CALD1: variants seen among roughly 807,000 people sequenced by gnomAD.
CALD1 encodes the protein caldesmon 1.
Under a neutral mutation model 99.9 loss-of-function variants are expected in CALD1, and 33 were observed. The observed-to-expected ratio is 0.33, with a 90% CI of 0.25 to 0.44. CALD1 has a LOEUF of 0.44. Among genes scored for constraint, CALD1 ranks in the 20% least tolerant of loss-of-function variants. The probability of loss-of-function intolerance (pLI) is 1.00; values close to 1 mark genes in which losing one functional copy is unlikely to be tolerated. For missense variants in CALD1, 861 were observed against 962.1 expected (o/e 0.89, Z 1.39); for synonymous variants, 310 against 325.0 (o/e 0.95, Z 0.50).
In CALD1 at chr7:134,935,712, C is replaced by G. The variant is rs747023009; in HGVS notation, c.1333C>G (p.Gln445Glu). The G allele has an allele frequency of 1.2e-6, 2 of 1,604,462 alleles. No homozygotes were observed. Among genetic ancestry groups the G allele is most frequent in the Non-Finnish European group, 1.7e-6 (2 of 1,176,032 alleles). Residue 445 changes from glutamine (Q) to glutamate (E), a missense_variant, in exon 6 of 15, where the codon CAA becomes GAA. Physicochemically the swap from Gln to Glu is conservative, Grantham distance 29. This residue lies in a region of CALD1 where 293 missense variants were observed against 262.7 expected (regional missense o/e 1.12). Coordinates refer to ENST00000361675, the MANE Select transcript of CALD1 (RefSeq NM_033138.4). ...GGGAGAAGAGAAGGGAACTAAAGTG[C>G]AAGCTAAAAGAGAAAAGCTCCAAGA... ...KQGEEKGTKV[Q>E]AKREKLQEDK...
At chr7:134,785,982 C>T (rs904635759) in intron 1 of CALD1, among the ~76,000 whole-genome samples, 2 of 152,118 alleles carry the variant, frequency 1.3e-5, no homozygotes, top group African/African-American at 4.8e-5. Context: ...CCAGCTCCAA[C>T]CAATTGGCAT....
Position 134,969,897 on chromosome 7 carries a change from C to CT in CALD1, c.*1554dup, listed in dbSNP as rs1808929277. 6.6e-6 allele frequency: 1 copy of CT among 152,608 alleles called. No individual in the cohort carries two copies. Among genetic ancestry groups the CT allele is most frequent in the South Asian group, 2.1e-4 (1 of 4,826 alleles). The allele number at this position is 152,608 out of a possible 1,614,324, so 9.5% of individuals were successfully genotyped here. A position where few individuals can be genotyped will look rare whatever the true frequency, so the allele number is the denominator to read the frequency against. On this transcript the variant is annotated 3_prime_UTR_variant, in exon 15 of 15. Transcript: ENST00000361675. Reference sequence around the variant, plus strand: ...TTCTATAAACTCATACCTCAGTGGACTTAACCAAAATTGTGTTAGTCTCAA... The same window carrying CT: ...TTCTATAAACTCATACCTCAGTGGACTTTAACCAAAATTGTGTTAGTCTCAA...
chr7:134,836,853 G>GA (rs1799462684), intron 1 of CALD1, among the ~76,000 whole-genome samples: 1 of 152,148 alleles, frequency 6.6e-6, no homozygotes, highest in Non-Finnish European at 1.5e-5. Flanking sequence ...TCTTGCCTGT[G>GA]AAAATCCACC....
chr7:134,950,502 T>G lies in CALD1; in HGVS notation c.1923T>G (p.Gly641=). 1.2e-6 allele frequency: 2 copies of G among 1,613,602 alleles called. No homozygotes were observed. Among genetic ancestry groups the G allele is most frequent in the Non-Finnish European group, 1.7e-6 (2 of 1,179,708 alleles). The part of the protein sequence containing the change: ...KKPFKCFTPK[G]SSLKIEERAE... ...CATTCAAGTGTTTCACTCCTAAAGG[T>G]TCATCTCTCAAGGTATTTTTTTCCC... The change falls in exon 9 of 15, where the codon GGT becomes GGG. Residue 641 remains glycine, a synonymous_variant. Coordinates refer to ENST00000361675, the MANE Select transcript of CALD1 (RefSeq NM_033138.4).
At chr7:134,782,898 A>C (rs1797163000) in intron 1 of CALD1, among the ~76,000 whole-genome samples, 1 of 152,174 alleles carries the variant, frequency 6.6e-6, no homozygotes, top group Non-Finnish European at 1.5e-5. Flanking sequence ...ATACTGGTCT[A>C]TCCCAATGTT....
chr7:134,891,560 C>A, intron 3 of CALD1: 1 of 1,566,522 alleles, frequency 6.4e-7, no homozygotes, highest in Non-Finnish European at 8.7e-7. Flanking sequence ...CACGCCCTGA[C>A]CGCCCGGCCT....
intron 1 of CALD1, among the ~76,000 whole-genome samples, chr7:134,837,688 C>CATGCT (rs1414027061): frequency 6.6e-6 from 1 of 152,148 alleles, no homozygotes; most frequent in Non-Finnish European, 1.5e-5. Flanking sequence ...TGCCAGAGAA[C>CATGCT]ATGCTAAATG....
At chr7:134,788,813 G>C (rs545155927) in intron 1 of CALD1, among the ~76,000 whole-genome samples, 1 of 152,230 alleles carries the variant, frequency 6.6e-6, no homozygotes, top group South Asian at 2.1e-4. Flanking sequence ...GCAGGAGTTT[G>C]AGACTAGCCT....
intron 14 of CALD1, among the ~76,000 whole-genome samples, chr7:134,966,656 C>T (rs766959386): frequency 1.3e-5 from 2 of 151,932 alleles, no homozygotes; most frequent in East Asian, 1.9e-4. Context: ...GCACCTGATC[C>T]GAGCCTGCAT....
intron 1 of CALD1, among the ~76,000 whole-genome samples, chr7:134,843,564 T>G (rs1799735230): frequency 6.6e-6 from 1 of 152,222 alleles, no homozygotes; most frequent in Admixed American, 6.5e-5. Flanking sequence ...TTATTCATTC[T>G]CAAATTTTGA....
At chr7:134,968,289 T>C (rs758164528) in intron 14 of CALD1, 51 bp from the exon 15 acceptor site, 2 of 1,580,664 alleles carry the variant, frequency 1.3e-6, no homozygotes, top group Non-Finnish European at 1.7e-6. Flanking sequence ...CACTGCAGGC[T>C]GTCAGTTTCA....
intron 1 of CALD1, among the ~76,000 whole-genome samples, chr7:134,773,540 C>T (rs11766107): frequency 0.4 from 60,705 of 151,950 alleles, 12,789 homozygotes; most frequent in Admixed American, 0.51. Context: ...GCTGGGATTA[C>T]AGGCATGAAC....
chr7:134,849,438 C>T (rs1586102839), intron 2 of CALD1, among the ~76,000 whole-genome samples: 1 of 152,168 alleles, frequency 6.6e-6, no homozygotes, highest in South Asian at 2.1e-4. Flanking sequence ...GCTCAGTTCC[C>T]TGATATACAA....
the CALD1 span, among the ~76,000 whole-genome samples, chr7:134,712,244 T>G: frequency 1.3e-5 from 2 of 152,328 alleles, no homozygotes; most frequent in South Asian, 4.1e-4. Context: ...CCAAACCTTT[T>G]GCTTCATCAG....
chr7:134,761,196 C>A (rs569814067), intron 1 of CALD1, among the ~76,000 whole-genome samples: 1 of 152,170 alleles, frequency 6.6e-6, no homozygotes, highest in African/African-American at 2.4e-5. Context: ...ATTGGCTCTG[C>A]GTGAAGTTTT....
chr7:134,772,409 GGCATTTATTTCCACGA>G (rs1378772720), intron 1 of CALD1, among the ~76,000 whole-genome samples: 4 of 152,018 alleles, frequency 2.6e-5, no homozygotes. Context: ...TGTTCTTTTA[GGCATTTATTTCCACGA>G]GCCTAAACAA....
In CALD1 at chr7:134,837,978, C is replaced by G. The variant is rs1347649109; in HGVS notation, c.-129-5906C>G. Among the ~76,000 whole-genome samples, 4 of 152,316 alleles carry G rather than the reference C, an allele frequency of 2.6e-5. No individual in the cohort carries two copies. The East Asian group carries it at 5.8e-4, about 22-fold the overall frequency. ...TGGGAAAGATCTATGTTCAATCCAA[C>G]TGAATGATTTAAAGCTTTGTCTGCT... On this transcript the variant is annotated intron_variant, in intron 1 of 14. Coordinates refer to ENST00000361675, the MANE Select transcript of CALD1 (RefSeq NM_033138.4).
intron 1 of CALD1, among the ~76,000 whole-genome samples, chr7:134,830,213 A>G (rs1317109612): frequency 1.3e-5 from 2 of 152,172 alleles, no homozygotes; most frequent in African/African-American, 4.8e-5. Flanking sequence ...TTTCCTTAAC[A>G]GGCTTTCTCA....
At chr7:134,770,481 G>T (rs1451938673) in intron 1 of CALD1, among the ~76,000 whole-genome samples, 1 of 152,072 alleles carries the variant, frequency 6.6e-6, no homozygotes, top group Admixed American at 6.6e-5. Flanking sequence ...CAGCTTCTAG[G>T]GGTCACTGGC....
Sources: gnomAD v4.1 joint callset for allele counts (sites outside exome capture counted in the v4.1 genomes callset) on GRCh38, gnomAD v4.1.1 for gene constraint, gnomAD v4.1.1 regional missense constraint, MANE v1.5 for transcripts, NCBI Gene and HGNC (gene_info 2026-07-23, HGNC 2026-07-21) for gene names.